TCF7L2: variants seen among roughly 807,000 people sequenced by gnomAD.
TCF7L2 encodes the protein transcription factor 7 like 2, also known as transcription factor 7-like 2.
TCF7L2 carries 23 observed loss-of-function variants against 77.9 expected under a neutral mutation model. That is an observed-to-expected ratio of 0.30 (90% CI 0.21 to 0.42). The LOEUF is 0.42. Ranked by LOEUF, TCF7L2 falls within the 10% of genes least tolerant of loss-of-function variation. The pLI, the probability that TCF7L2 is intolerant of heterozygous loss-of-function variation, is 1.00. For missense variants in TCF7L2, 654 were observed against 793.1 expected (o/e 0.82, Z 2.11); for synonymous variants, 413 against 340.2 (o/e 1.21, Z -2.36).
intron 5 of TCF7L2, among the ~76,000 whole-genome samples, chr10:113,121,254 C>G (rs545093975): frequency 6.6e-6 from 1 of 152,182 alleles, no homozygotes; most frequent in Non-Finnish European, 1.5e-5. Flanking sequence ...CCCCTCTTCT[C>G]GCTCTCCCGC....
chr10:113,026,287 G>C (rs950701188), intron 4 of TCF7L2, among the ~76,000 whole-genome samples: 1 of 152,060 alleles, frequency 6.6e-6, no homozygotes, highest in Non-Finnish European at 1.5e-5. Flanking sequence ...GAGTAGCTGG[G>C]ATTACAGATA....
At chr10:112,998,726 C>A (rs1225197356) in intron 4 of TCF7L2, among the ~76,000 whole-genome samples, 1 of 152,194 alleles carries the variant, frequency 6.6e-6, no homozygotes, top group Non-Finnish European at 1.5e-5. Context: ...GCCTGTGTGA[C>A]TGAGAAGCTT....
intron 4 of TCF7L2, among the ~76,000 whole-genome samples, chr10:113,016,292 C>T (rs2047332625): frequency 6.6e-6 from 1 of 152,132 alleles, no homozygotes; most frequent in Non-Finnish European, 1.5e-5. Flanking sequence ...GTCTCAAACT[C>T]CTGACCTCAA....
In TCF7L2 at chr10:113,158,062, G is replaced by C. The variant is rs1270432663; in HGVS notation, c.1311G>C (p.Glu437Asp). The C allele has an allele frequency of 4.4e-6, 7 of 1,598,164 alleles. No individual in the cohort carries two copies. Among genetic ancestry groups the C allele is most frequent in the Non-Finnish European group, 5.1e-6 (6 of 1,171,506 alleles). Residue 437 changes from glutamate (E) to aspartate (D), a missense_variant, in exon 12 of 14, where the codon GAG becomes GAC. Physicochemically the swap from Glu to Asp is conservative, Grantham distance 45 (BLOSUM62 2). Coordinates refer to ENST00000627217, the MANE Select transcript of TCF7L2 (RefSeq NM_001146274.2). ...GGAAAAGGGACAAGCAGCCGGGAGA[G>C]ACCAATGGTAAGTGACAATCATCAG... is the stretch of plus-strand genomic sequence containing the variant.
At chr10:113,164,880 A>C (rs1405450399) in intron 13 of TCF7L2, among the ~76,000 whole-genome samples, 2 of 152,084 alleles carry the variant, frequency 1.3e-5, no homozygotes, top group Non-Finnish European at 2.9e-5. Flanking sequence ...TTAACAGACA[A>C]GCCCGAAAGC....
In TCF7L2 at chr10:113,158,007, A is replaced by C. The variant is rs2072326156; in HGVS notation, c.1270-14A>C. The C allele has an allele frequency of 1.9e-6, 3 of 1,580,460 alleles. No individual in the cohort carries two copies. The highest frequency in any genetic ancestry group is 1.7e-6 in the Non-Finnish European group (2 of 1,161,794). Reference sequence around the variant, plus strand: ...TTCTTGCAGTAATTCCCTGTGTTTCATCTCTTCATCTAGGGAAAGAAGAAG... The same window carrying C: ...TTCTTGCAGTAATTCCCTGTGTTTCCTCTCTTCATCTAGGGAAAGAAGAAG... On this transcript the variant is annotated splice_polypyrimidine_tract_variant and intron_variant, in intron 11 of 13. Transcript: ENST00000627217.
At chr10:112,970,470 C>T (rs991742199) in intron 4 of TCF7L2, among the ~76,000 whole-genome samples, 2 of 151,760 alleles carry the variant, frequency 1.3e-5, no homozygotes, top group African/African-American at 2.4e-5. Flanking sequence ...TGGAGAGTGT[C>T]CTTACCCCAT....
At chr10:113,024,341 G>C (rs1037277727) in intron 4 of TCF7L2, among the ~76,000 whole-genome samples, 1 of 151,978 alleles carries the variant, frequency 6.6e-6, no homozygotes, top group Non-Finnish European at 1.5e-5. Flanking sequence ...AAAGTCACTT[G>C]CTTCTTTTTT....
intron 4 of TCF7L2, among the ~76,000 whole-genome samples, chr10:112,967,124 T>C (rs1215845075): frequency 6.6e-6 from 1 of 152,242 alleles, no homozygotes; most frequent in African/African-American, 2.4e-5. Flanking sequence ...CCAAAGTACA[T>C]TGGGGAGCTC....
At chr10:113,163,714 C>T (rs2073566836) in intron 13 of TCF7L2, among the ~76,000 whole-genome samples, 1 of 152,108 alleles carries the variant, frequency 6.6e-6, no homozygotes, top group African/African-American at 2.4e-5. Context: ...GTGGTGCTTG[C>T]TCCCCTAGAG....
chr10:113,131,236 A>G (rs1346688915), intron 5 of TCF7L2, among the ~76,000 whole-genome samples: 1 of 152,260 alleles, frequency 6.6e-6, no homozygotes, highest in Admixed American at 6.5e-5. Flanking sequence ...GAAATATACC[A>G]TAGACTTATG....
chr10:113,109,976 A>T (rs2062912618), intron 5 of TCF7L2, among the ~76,000 whole-genome samples: 1 of 152,218 alleles, frequency 6.6e-6, no homozygotes, highest in African/African-American at 2.4e-5. Flanking sequence ...AGATTATAAC[A>T]TCATTTCATA....
At chr10:112,980,771 C>T (rs1474561889) in intron 4 of TCF7L2, among the ~76,000 whole-genome samples, 2 of 152,082 alleles carry the variant, frequency 1.3e-5, no homozygotes, top group Non-Finnish European at 2.9e-5. Flanking sequence ...GGACTACAGG[C>T]ATCCACCACC....
chr10:113,118,760 T>G (rs1207632402), intron 5 of TCF7L2, among the ~76,000 whole-genome samples: 1 of 151,898 alleles, frequency 6.6e-6, no homozygotes, highest in African/African-American at 2.4e-5. Flanking sequence ...TTATAAACTT[T>G]CTATTAAAGT....
At chr10:113,130,270 C>T (rs1351130056) in intron 5 of TCF7L2, among the ~76,000 whole-genome samples, 1 of 152,132 alleles carries the variant, frequency 6.6e-6, no homozygotes, top group African/African-American at 2.4e-5. Context: ...AAGGCAGACC[C>T]TGTTCCCAAA....
intron 4 of TCF7L2, among the ~76,000 whole-genome samples, chr10:113,031,779 G>T (rs2050262630): frequency 6.6e-6 from 1 of 152,186 alleles, no homozygotes; most frequent in African/African-American, 2.4e-5. Context: ...ATGAGCCACT[G>T]TGTCTGGCCC....
intron 6 of TCF7L2, among the ~76,000 whole-genome samples, chr10:113,142,069 AT>A (rs1449610018): frequency 6.6e-6 from 1 of 152,192 alleles, no homozygotes; most frequent in Admixed American, 6.5e-5. Context: ...CCGTGGCACA[AT>A]TTTGGCTCCC....
chr10:113,087,622 G>A (rs1049542730), intron 5 of TCF7L2, among the ~76,000 whole-genome samples: 1 of 152,174 alleles, frequency 6.6e-6, no homozygotes, highest in African/African-American at 2.4e-5. Flanking sequence ...CTTGCCAGAC[G>A]GAGACCTTAG....
chr10:112,951,466 C>A lies in TCF7L2; in HGVS notation c.257-17C>A. The A allele has an allele frequency of 7.1e-7, 1 of 1,413,606 alleles. No homozygotes were observed. The highest frequency in any genetic ancestry group is 9.4e-7 in the Non-Finnish European group (1 of 1,059,508). The allele number at this position is 1,413,606 out of a possible 1,614,324, so 87.6% of individuals were successfully genotyped here. ...CCGCGCGGCCGCCGCTGTCCCCTCGCCGCCCCGCCATGTTAGCGGCCAAGA... is the reference window on the plus strand; with the variant it reads ...CCGCGCGGCCGCCGCTGTCCCCTCGACGCCCCGCCATGTTAGCGGCCAAGA... On this transcript the variant is annotated splice_polypyrimidine_tract_variant and intron_variant, in intron 2 of 13. Transcript: ENST00000627217.
Sources: gnomAD v4.1 joint callset for allele counts (sites outside exome capture counted in the v4.1 genomes callset) on GRCh38, gnomAD v4.1.1 for gene constraint, MANE v1.5 for transcripts, NCBI Gene and HGNC (gene_info 2026-07-23, HGNC 2026-07-21) for gene names.